SPRYD7: variants seen among roughly 807,000 people sequenced by gnomAD.
The protein encoded by SPRYD7 is SPRY domain-containing protein 7.
In SPRYD7, 14 loss-of-function variants were observed where a neutral mutation model predicts 23.8. That is an observed-to-expected ratio of 0.59 (90% CI 0.39 to 0.92). The LOEUF (loss-of-function observed/expected upper bound fraction) is 0.92. SPRYD7 is among the 40% of genes least tolerant of loss of function. SPRYD7 has a pLI of 0.00. For missense variants in SPRYD7, 194 were observed against 241.7 expected (o/e 0.80, Z 1.31); for synonymous variants, 75 against 84.9 (o/e 0.88, Z 0.64).
chr13:49,931,677 A>C, intron 1 of SPRYD7, among the ~76,000 whole-genome samples: 1 of 151,608 alleles, frequency 6.6e-6, no homozygotes, highest in Non-Finnish European at 1.5e-5. Flanking sequence ...TGCTGGGTAC[A>C]GTGGTTCGTA....
At chr13:49,936,009 T>C (rs1871606662) in intron 1 of SPRYD7, 121 bp downstream of exon 1, 1 of 544,610 alleles carries the variant, frequency 1.8e-6, no homozygotes, top group African/African-American at 2.0e-5. Flanking sequence ...GACGAAATGG[T>C]GTCGGCGCAG....
intron 1 of SPRYD7, among the ~76,000 whole-genome samples, chr13:49,932,581 T>C (rs1871435783): frequency 6.6e-6 from 1 of 152,058 alleles, no homozygotes; most frequent in Non-Finnish European, 1.5e-5. Context: ...AATGCATAAC[T>C]CCCCATACTT....
chr13:49,916,545 C>A (rs1289897912), intron 4 of SPRYD7, among the ~76,000 whole-genome samples: 1 of 151,632 alleles, frequency 6.6e-6, no homozygotes, highest in African/African-American at 2.4e-5. Context: ...ACAAACCCCC[C>A]ACCGTGACAC....
At chr13:49,929,951 GGAT>G (rs1955928806) in intron 2 of SPRYD7, among the ~76,000 whole-genome samples, 1 of 151,878 alleles carries the variant, frequency 6.6e-6, no homozygotes, top group South Asian at 2.1e-4. Context: ...CACGATGCCT[GGAT>G]GATTTTTGTA....
chr13:49,915,337 C>A (rs1323489836), intron 4 of SPRYD7, among the ~76,000 whole-genome samples, 177 bp from the exon 5 acceptor site: 1 of 151,944 alleles, frequency 6.6e-6, no homozygotes, highest in Non-Finnish European at 1.5e-5. Flanking sequence ...AAAACAGCCA[C>A]AACAAAAATC....
intron 1 of SPRYD7, among the ~76,000 whole-genome samples, chr13:49,934,189 T>C (rs1213870813): frequency 1.3e-5 from 2 of 152,178 alleles, no homozygotes; most frequent in African/African-American, 4.8e-5. Context: ...AACCCTTTTC[T>C]TTCATTTTAT....
At chr13:49,927,038 C>T (rs2138230565) in intron 3 of SPRYD7, among the ~76,000 whole-genome samples, 1 of 152,088 alleles carries the variant, frequency 6.6e-6, no homozygotes, top group East Asian at 1.9e-4. Flanking sequence ...TAACGTGTAA[C>T]TTTTACTATC....
intron 1 of SPRYD7, among the ~76,000 whole-genome samples, chr13:49,933,289 T>C (rs1052755991): frequency 1.3e-5 from 2 of 152,106 alleles, no homozygotes; most frequent in Admixed American, 1.3e-4. Context: ...CTCAGGACTT[T>C]TGCAGAGCAC....
At chr13:49,923,498 T>A (rs1031408992) in intron 3 of SPRYD7, among the ~76,000 whole-genome samples, 2 of 151,952 alleles carry the variant, frequency 1.3e-5, no homozygotes, top group Non-Finnish European at 1.5e-5. Context: ...CCCGCCTCGG[T>A]CTCCCAAAAT....
chr13:49,918,866 T>C (rs1187290069), intron 4 of SPRYD7, among the ~76,000 whole-genome samples: 1 of 151,428 alleles, frequency 6.6e-6, no homozygotes, highest in Non-Finnish European at 1.5e-5. Context: ...AGGAGTGCGC[T>C]ACCACGTCTG....
intron 4 of SPRYD7, among the ~76,000 whole-genome samples, chr13:49,920,230 G>A (rs952439194): frequency 1.3e-5 from 2 of 151,254 alleles, no homozygotes. Context: ...CAGCCTGGGG[G>A]ACACAGCAAG....
chr13:49,933,200 A>C (rs920093622), intron 1 of SPRYD7, among the ~76,000 whole-genome samples: 4 of 152,222 alleles, frequency 2.6e-5, no homozygotes, highest in Non-Finnish European at 5.9e-5. Flanking sequence ...AGGTTAAGGC[A>C]ATCAGTGCCC....
intron 3 of SPRYD7, among the ~76,000 whole-genome samples, chr13:49,924,994 A>T (rs1422223614): frequency 1.5e-5 from 2 of 135,790 alleles, no homozygotes; most frequent in Non-Finnish European, 3.2e-5. Flanking sequence ...AAAAATAAAT[A>T]AATAATAATA....
intron 4 of SPRYD7, among the ~76,000 whole-genome samples, chr13:49,919,183 G>A (rs990061936): frequency 3.3e-5 from 5 of 152,012 alleles, no homozygotes; most frequent in African/African-American, 9.6e-5. Context: ...TTGGGAGGCC[G>A]AGGTGGGCAG....
chr13:49,924,789 A>C (rs59086590), intron 3 of SPRYD7, among the ~76,000 whole-genome samples: 27,160 of 147,920 alleles, frequency 0.18, 2,767 homozygotes, highest in African/African-American at 0.27. Context: ...GCCTGGCCAA[A>C]ATGGTGAAAC....
rs1351689724 is a variant in SPRYD7, at chr13:49,912,865, C to T, written c.*2198G>A. The T allele has an allele frequency of 1.3e-5, 2 of 152,052 alleles. No homozygotes were observed. Among genetic ancestry groups the T allele is most frequent in the Non-Finnish European group, 2.9e-5 (2 of 68,014 alleles). The allele number at this position is 152,052 out of a possible 1,614,324, so 9.4% of individuals were successfully genotyped here. A position where few individuals can be genotyped will look rare whatever the true frequency, so the allele number is the denominator to read the frequency against. On this transcript the variant is annotated 3_prime_UTR_variant, in exon 5 of 5. Coordinates refer to ENST00000361840, the MANE Select transcript of SPRYD7 (RefSeq NM_020456.4). ...TTGGGATTTATGTAAATAAATGTTA[C>T]TCAAGTATATCTATGTTTTCAAAGC...
chr13:49,928,189 C>T, intron 2 of SPRYD7, 104 bp from the exon 3 acceptor site: 2 of 1,004,742 alleles, frequency 2.0e-6, no homozygotes, highest in Non-Finnish European at 2.9e-6. Flanking sequence ...TGTATTAACA[C>T]TAAATTGTTT....
chr13:49,931,969 A>G (rs995103823), intron 1 of SPRYD7, among the ~76,000 whole-genome samples: 35 of 152,250 alleles, frequency 2.3e-4, no homozygotes, highest in Non-Finnish European at 4.4e-4. Flanking sequence ...GTAAACTGCA[A>G]TAACTCTGAA....
intron 3 of SPRYD7, among the ~76,000 whole-genome samples, chr13:49,927,032 G>T (rs576834627): frequency 6.6e-6 from 1 of 151,892 alleles, no homozygotes; most frequent in East Asian, 1.9e-4. Flanking sequence ...TCTTAATAAC[G>T]TGTAACTTTT....
Sources: gnomAD v4.1 joint callset for allele counts (sites outside exome capture counted in the v4.1 genomes callset) on GRCh38, gnomAD v4.1.1 for gene constraint, MANE v1.5 for transcripts, NCBI Gene and HGNC (gene_info 2026-07-23, HGNC 2026-07-21) for gene names.